Variants in ZSWIM6 observed in about 807,000 individuals in gnomAD.
The protein encoded by ZSWIM6 is zinc finger SWIM domain-containing protein 6.
ZSWIM6 carries 9 observed loss-of-function variants against 113.2 expected under a neutral mutation model. The ratio of observed to expected loss-of-function variants is 0.08; its 90% CI spans 0.05 to 0.14. ZSWIM6 has a LOEUF of 0.14. ZSWIM6 is among the 10% of genes least tolerant of loss of function. ZSWIM6 has a pLI of 1.00. For synonymous variants in ZSWIM6, 611 were observed against 606.5 expected (o/e 1.01, Z -0.11); for missense variants, 1,162 against 1,552.2 (o/e 0.75, Z 4.22).
chr5:61,401,701 G>C (rs1745941188), intron 1 of ZSWIM6, among the ~76,000 whole-genome samples: 1 of 152,040 alleles, frequency 6.6e-6, no homozygotes, highest in South Asian at 2.1e-4. Context: ...TAGTTTATAG[G>C]GTAGGCCACA....
chr5:61,525,753 C>T (rs914603528), intron 5 of ZSWIM6, 47 bp from the exon 6 acceptor site: 3 of 1,545,686 alleles, frequency 1.9e-6, no homozygotes, highest in Admixed American at 3.9e-5. Flanking sequence ...GATTTATTCA[C>T]ATGTGAATAA....
chr5:61,526,072 A>G, intron 6 of ZSWIM6, 96 bp downstream of exon 6: 2 of 1,455,928 alleles, frequency 1.4e-6, no homozygotes, highest in Non-Finnish European at 1.9e-6. Context: ...TGAAGGATTC[A>G]ATGGGAGATG....
intron 4 of ZSWIM6, among the ~76,000 whole-genome samples, chr5:61,497,849 A>G (rs1227769213): frequency 6.6e-6 from 1 of 152,220 alleles, no homozygotes; most frequent in Non-Finnish European, 1.5e-5. Context: ...CTCTTGAATT[A>G]CATTCTTTAT....
intron 1 of ZSWIM6, among the ~76,000 whole-genome samples, chr5:61,453,177 GC>G (rs1747120720): frequency 6.6e-6 from 1 of 151,950 alleles, no homozygotes; most frequent in Non-Finnish European, 1.5e-5. Flanking sequence ...TGCTTTCCAT[GC>G]TTTTTTCTTT....
chr5:61,343,685 A>G (rs1469248055), intron 1 of ZSWIM6, among the ~76,000 whole-genome samples: 2 of 152,184 alleles, frequency 1.3e-5, no homozygotes, highest in Admixed American at 6.5e-5. Context: ...TACCTTTTCT[A>G]TTAACTCATT....
At chr5:61,399,097 A>T (rs1008054133) in intron 1 of ZSWIM6, among the ~76,000 whole-genome samples, 1 of 150,390 alleles carries the variant, frequency 6.6e-6, no homozygotes, top group African/African-American at 2.4e-5. Context: ...TAATTCTTGT[A>T]TTTTTTTAGT....
chr5:61,444,154 G>A (rs1162603985), intron 1 of ZSWIM6, among the ~76,000 whole-genome samples: 1 of 132,596 alleles, frequency 7.5e-6, no homozygotes, highest in African/African-American at 2.9e-5. Context: ...GTGTCCATGT[G>A]TTCTCATTGT....
chr5:61,376,864 T>C (rs1745383065), intron 1 of ZSWIM6, among the ~76,000 whole-genome samples: 1 of 150,250 alleles, frequency 6.7e-6, no homozygotes, highest in Non-Finnish European at 1.5e-5. Context: ...AGTTCATTAC[T>C]ATGTTTAATG....
intron 4 of ZSWIM6, among the ~76,000 whole-genome samples, chr5:61,518,043 A>G (rs371507240): frequency 2.0e-5 from 3 of 147,390 alleles, no homozygotes; most frequent in African/African-American, 7.5e-5. Flanking sequence ...GCAGTGTTTG[A>G]TTTTTTGTTC....
intron 1 of ZSWIM6, among the ~76,000 whole-genome samples, chr5:61,346,138 C>T (rs981030812): frequency 1.3e-5 from 2 of 151,802 alleles, no homozygotes; most frequent in Admixed American, 6.6e-5. Flanking sequence ...TTAGTAGAGA[C>T]GGGGTTTCAC....
intron 11 of ZSWIM6, 71 bp from the exon 12 acceptor site, chr5:61,539,525 G>A: frequency 1.3e-6 from 2 of 1,483,932 alleles, no homozygotes; most frequent in Non-Finnish European, 1.8e-6. Context: ...ATGGTTGTAT[G>A]ATTTTTGTTT....
chr5:61,502,228 G>A (rs1748487217), intron 4 of ZSWIM6, among the ~76,000 whole-genome samples: 1 of 152,144 alleles, frequency 6.6e-6, no homozygotes, highest in South Asian at 2.1e-4. Flanking sequence ...GGAAAGAAGT[G>A]GAAGCAAAGG....
chr5:61,421,212 G>A (rs557757598), intron 1 of ZSWIM6, among the ~76,000 whole-genome samples: 1 of 152,232 alleles, frequency 6.6e-6, no homozygotes. Context: ...GAGCCACTGT[G>A]CCTGGCCTCA....
At chr5:61,504,237 T>C (rs1169054347) in intron 4 of ZSWIM6, among the ~76,000 whole-genome samples, 1 of 152,206 alleles carries the variant, frequency 6.6e-6, no homozygotes. Context: ...GGTGCCTGTG[T>C]GTGCCTGGAC....
At position 61,342,590 on chromosome 5, in the gene ZSWIM6, A is replaced by G. The variant is rs140394783; in HGVS notation, c.676+9642A>G. ...ATGCATCATCATTACCTATTCCAGA[A>G]GGTTTAGCTTTACAGTGTGTTGCTA... On this transcript the variant is annotated intron_variant, in intron 1 of 13. Transcript: ENST00000252744. 8.5e-5 allele frequency among the ~76,000 whole-genome samples: 13 copies of G among 152,312 alleles called. No individual in the cohort carries two copies. In the East Asian group the frequency reaches 2.5e-3, roughly 29 times the overall value.
At chr5:61,401,045 T>C (rs1200950504) in intron 1 of ZSWIM6, among the ~76,000 whole-genome samples, 1 of 152,232 alleles carries the variant, frequency 6.6e-6, no homozygotes, top group Non-Finnish European at 1.5e-5. Context: ...GTATTTGTTT[T>C]TATGTTTATA....
At chr5:61,356,174 C>T (rs376813046) in intron 1 of ZSWIM6, among the ~76,000 whole-genome samples, 1 of 152,198 alleles carries the variant, frequency 6.6e-6, no homozygotes, top group East Asian at 1.9e-4. Flanking sequence ...AATCATAGCT[C>T]ACTGCAGCCC....
chr5:61,403,833 T>C (rs922744655), intron 1 of ZSWIM6, among the ~76,000 whole-genome samples: 2 of 152,142 alleles, frequency 1.3e-5, no homozygotes, highest in Non-Finnish European at 2.9e-5. Context: ...AGCTTCTTGA[T>C]AATTAAGTGA....
chr5:61,426,255 A>C (rs779746322), intron 1 of ZSWIM6, among the ~76,000 whole-genome samples: 2 of 152,362 alleles, frequency 1.3e-5, no homozygotes, highest in South Asian at 2.1e-4. Flanking sequence ...GTTGTGATAC[A>C]TATAAACCTT....
Sources: gnomAD v4.1 joint callset for allele counts (sites outside exome capture counted in the v4.1 genomes callset) on GRCh38, gnomAD v4.1.1 for gene constraint, MANE v1.5 for transcripts, NCBI Gene and HGNC (gene_info 2026-07-23, HGNC 2026-07-21) for gene names.